IL7: variants seen among roughly 807,000 people sequenced by gnomAD.
The protein encoded by IL7 is interleukin-7.
A neutral mutation model predicts 21.6 loss-of-function variants in IL7; 3 were observed. The ratio of observed to expected loss-of-function variants is 0.14; its 90% CI spans 0.06 to 0.36. The LOEUF is 0.36. Ranked by LOEUF, IL7 falls within the 10% of genes least tolerant of loss-of-function variation. The pLI is 1.00. For missense variants in IL7, 175 were observed against 200.2 expected (o/e 0.87, Z 0.76); for synonymous variants, 62 against 68.1 (o/e 0.91, Z 0.44).
At chr8:78,779,656 T>C (rs1813254396) in intron 2 of IL7, among the ~76,000 whole-genome samples, 1 of 152,178 alleles carries the variant, frequency 6.6e-6, no homozygotes, top group African/African-American at 2.4e-5. Flanking sequence ...TTACCGAAGA[T>C]TTTTGTATTG....
At chr8:78,782,415 CTGT>C (rs1217012410) in intron 2 of IL7, among the ~76,000 whole-genome samples, 1 of 152,030 alleles carries the variant, frequency 6.6e-6, no homozygotes, top group Admixed American at 6.6e-5. Context: ...TTTGTTGATG[CTGT>C]TGTTGTTGTT....
At chr8:78,720,029 A>G (rs1182670736) in intron 5 of IL7, among the ~76,000 whole-genome samples, 4 of 151,826 alleles carry the variant, frequency 2.6e-5, no homozygotes, top group South Asian at 2.1e-4. Context: ...AGTCACAAAC[A>G]TTTGTGATGT....
intron 2 of IL7, among the ~76,000 whole-genome samples, chr8:78,745,928 C>A (rs1049195153): frequency 2.3e-4 from 35 of 152,174 alleles, no homozygotes; most frequent in African/African-American, 7.5e-4. Context: ...CTGCCTCCAT[C>A]TTCACATCAC....
intron 2 of IL7, among the ~76,000 whole-genome samples, chr8:78,774,916 A>G (rs556169480): frequency 1.3e-5 from 2 of 152,242 alleles, no homozygotes; most frequent in South Asian, 4.1e-4. Flanking sequence ...TCAACTTAAG[A>G]AAAATCAATT....
At chr8:78,764,157 T>TA (rs1462345023) in intron 2 of IL7, among the ~76,000 whole-genome samples, 1 of 152,094 alleles carries the variant, frequency 6.6e-6, no homozygotes, top group African/African-American at 2.4e-5. Flanking sequence ...CCATTCATGA[T>TA]AAAAAATTTT....
At chr8:78,688,712 C>G (rs778769070) in intron 3 of IL7, among the ~76,000 whole-genome samples, 3 of 152,108 alleles carry the variant, frequency 2.0e-5, no homozygotes, top group Non-Finnish European at 4.4e-5. Context: ...TTAATCACTT[C>G]TTCCATCTGT....
chr8:78,798,971 A>C (rs1317034166), intron 1 of IL7, among the ~76,000 whole-genome samples: 1 of 152,100 alleles, frequency 6.6e-6, no homozygotes, highest in Non-Finnish European at 1.5e-5. Flanking sequence ...CTTCCCAATT[A>C]GGAGCAATTG....
At chr8:78,791,560 A>T (rs1024048552) in intron 2 of IL7, among the ~76,000 whole-genome samples, 2 of 152,162 alleles carry the variant, frequency 1.3e-5, no homozygotes, top group Admixed American at 6.5e-5. Context: ...GAATTGCTTG[A>T]ACCTGGGAGG....
chr8:78,698,510 C>T (rs376000246), intron 3 of IL7: 20 of 1,599,678 alleles, frequency 1.3e-5, no homozygotes, highest in Non-Finnish European at 1.6e-5. Context: ...GCCCCTCATG[C>T]AGGGTAAGTC....
Position 78,736,469 on chromosome 8 carries a change from C to T in IL7, c.414+5G>A. The T allele has an allele frequency of 6.3e-7, 1 of 1,579,194 alleles. No homozygotes were observed. Among genetic ancestry groups the T allele is most frequent in the Non-Finnish European group, 8.7e-7 (1 of 1,155,984 alleles). On this transcript the variant is annotated splice_donor_5th_base_variant and intron_variant, in intron 5 of 5. Transcript: ENST00000263851. ...CCATAAGGAAAATTATACAATTATT[C>T]TCACCAAACTCTTTGTTGGTTGGGC...
At chr8:78,769,276 T>C (rs1812869636) in intron 2 of IL7, among the ~76,000 whole-genome samples, 1 of 152,112 alleles carries the variant, frequency 6.6e-6, no homozygotes, top group Admixed American at 6.6e-5. Flanking sequence ...ATTGTATATC[T>C]AGAAAACCCC....
At chr8:78,711,954 A>G (rs1393850742) in intron 3 of IL7, 3 of 1,238,462 alleles carry the variant, frequency 2.4e-6, no homozygotes, top group Non-Finnish European at 3.2e-6. Flanking sequence ...AGCAGTAGCA[A>G]TCTCCTTATG....
At chr8:78,707,433 G>GTGACA (rs1290048455) in intron 3 of IL7, among the ~76,000 whole-genome samples, 1 of 152,176 alleles carries the variant, frequency 6.6e-6, no homozygotes, top group African/African-American at 2.4e-5. Context: ...TTGTCATGCT[G>GTGACA]TGACATATTG....
At chr8:78,783,575 T>C (rs892856504) in intron 2 of IL7, among the ~76,000 whole-genome samples, 2 of 152,176 alleles carry the variant, frequency 1.3e-5, no homozygotes, top group African/African-American at 2.4e-5. Flanking sequence ...AAGGTTAATA[T>C]GCAGTAATGG....
chr8:78,697,460 A>T (rs910678174), intron 3 of IL7: 2 of 1,610,660 alleles, frequency 1.2e-6, no homozygotes, highest in African/African-American at 2.7e-5. Context: ...CATCATCAGG[A>T]TCTTCACGAT....
At chr8:78,725,627 G>A (rs1198147977) in intron 3 of IL7, among the ~76,000 whole-genome samples, 1 of 151,986 alleles carries the variant, frequency 6.6e-6, no homozygotes, top group Non-Finnish European at 1.5e-5. Context: ...AGTAATGGGG[G>A]ATGTGTTAAA....
chr8:78,786,358 T>C (rs563724372), intron 2 of IL7, among the ~76,000 whole-genome samples: 1 of 152,270 alleles, frequency 6.6e-6, no homozygotes, highest in South Asian at 2.1e-4. Context: ...AAAAATATGG[T>C]ATAAAATATT....
chr8:78,800,155 A>G (rs200316036), intron 1 of IL7, among the ~76,000 whole-genome samples: 2 of 152,204 alleles, frequency 1.3e-5, no homozygotes, highest in East Asian at 1.9e-4. Flanking sequence ...GCTCCCAGTT[A>G]TAAGTAAAAA....
At chr8:78,690,414 G>A (rs1810170079) in intron 3 of IL7, among the ~76,000 whole-genome samples, 1 of 152,080 alleles carries the variant, frequency 6.6e-6, no homozygotes, top group South Asian at 2.1e-4. Context: ...CAAAAAATTA[G>A]CTGGACGTGG....
Sources: allele counts gnomAD v4.1 joint callset (sites outside exome capture counted in the v4.1 genomes callset), GRCh38; gene constraint gnomAD v4.1.1; transcripts MANE v1.5; gene names NCBI Gene and HGNC (gene_info 2026-07-23, HGNC 2026-07-21).